The following CYTH3 variants were observed in gnomAD, a reference collection of about 807,000 sequenced individuals.
CYTH3 encodes the protein cytohesin-3.
CYTH3 carries 23 observed loss-of-function variants against 55.1 expected under a neutral mutation model. That is an observed-to-expected ratio of 0.42 (90% CI 0.30 to 0.59). The LOEUF is 0.59. Ranked by LOEUF, CYTH3 falls within the 20% of genes least tolerant of loss-of-function variation. CYTH3 has a pLI of 0.20. For missense variants in CYTH3, 413 were observed against 524.8 expected, an observed-to-expected ratio of 0.79 and a Z score of 2.08; for synonymous variants, 249 against 194.9, an observed-to-expected ratio of 1.28 and a Z score of -2.31.
chr7:6,201,256 G>A (rs1784053493), intron 1 of CYTH3, among the ~76,000 whole-genome samples: 1 of 152,206 alleles, frequency 6.6e-6, no homozygotes, highest in Non-Finnish European at 1.5e-5. Flanking sequence ...TCACGTGTTA[G>A]CAACAACGGA....
In CYTH3 at chr7:6,170,656, G is replaced by C. The variant is rs1175658118; in HGVS notation, c.712-10C>G. On this transcript the variant is annotated splice_polypyrimidine_tract_variant and intron_variant, in intron 8 of 12. Transcript: ENST00000350796. The surrounding 1 kb of genome is among the most constrained non-coding windows in gnomAD (Gnocchi z 7.8). ...TGCTCTCATACAAATTCTGCAAGGA[G>C]GGAAAACAGCAGCCAGTTCAGAGAC... 1 of 1,612,100 alleles carries C rather than the reference G, an allele frequency of 6.2e-7. No individual in the cohort carries two copies. The highest frequency in any genetic ancestry group is 2.2e-5 in the East Asian group (1 of 44,818).
In CYTH3 at chr7:6,184,464, C is replaced by T. The variant is rs370977734; in HGVS notation, c.249+2586G>A. Among the ~76,000 whole-genome samples, 510 of 152,174 alleles carry T rather than the reference C, an allele frequency of 3.4e-3. 2 individuals are homozygous for T. The highest frequency in any genetic ancestry group is 0.012 in the African/African-American group (490 of 41,490). ...TGGCCCTTATTATAAATCTGACACA[C>T]GGTATATATAAAACAGGAAGACAGT... On this transcript the variant is annotated intron_variant, in intron 4 of 12. Coordinates refer to ENST00000350796, the MANE Select transcript of CYTH3 (RefSeq NM_004227.4).
chr7:6,238,001 T>C (rs1268432354), intron 1 of CYTH3, among the ~76,000 whole-genome samples: 1 of 152,180 alleles, frequency 6.6e-6, no homozygotes, highest in Admixed American at 6.5e-5. Context: ...GAGTCAGCTA[T>C]AGGTAAAGAT....
rs371142137 is a variant in CYTH3, at chr7:6,181,359, ATG to A, written c.250-3420_250-3419del. 1.2e-3 allele frequency among the ~76,000 whole-genome samples: 183 copies of A among 152,310 alleles called. 1 individual carries two copies. The highest frequency in any genetic ancestry group is 4.2e-3 in the African/African-American group (174 of 41,560). ...CAGAGAAGCCCTTGTGTGTCTGAAC[ATG>A]TGTTTCCTCACCTTCTCTTGTGAGT... is the stretch of plus-strand genomic sequence containing the variant. On this transcript the variant is annotated intron_variant, in intron 4 of 12. Transcript: ENST00000350796.
intron 1 of CYTH3, among the ~76,000 whole-genome samples, chr7:6,214,877 A>C (rs1195900945): frequency 6.6e-6 from 1 of 152,198 alleles, no homozygotes; most frequent in African/African-American, 2.4e-5. Context: ...CCACAGGCAA[A>C]GAGCTGCCTA....
chr7:6,247,722 C>G (rs1779857162), intron 1 of CYTH3, among the ~76,000 whole-genome samples: 2 of 152,130 alleles, frequency 1.3e-5, no homozygotes, highest in Non-Finnish European at 2.9e-5. Flanking sequence ...CAGCTCACTG[C>G]AGTCTTGACA....
At chr7:6,232,764 G>A (rs903645242) in intron 1 of CYTH3, among the ~76,000 whole-genome samples, 1 of 152,130 alleles carries the variant, frequency 6.6e-6, no homozygotes, top group Admixed American at 6.5e-5. Flanking sequence ...TCTGGGCGTG[G>A]CTCTCTGTAC....
At chr7:6,186,966 C>A (rs935681187) in intron 4 of CYTH3, 84 bp downstream of exon 4, 3 of 1,415,476 alleles carry the variant, frequency 2.1e-6, no homozygotes, top group Non-Finnish European at 3.0e-6. Flanking sequence ...CGGACCACCT[C>A]TGACCTCTGT....
chr7:6,234,895 C>A (rs1779478083), intron 1 of CYTH3, among the ~76,000 whole-genome samples: 1 of 152,128 alleles, frequency 6.6e-6, no homozygotes, highest in African/African-American at 2.4e-5. Context: ...AGACGTGGCC[C>A]AAGTTGGTAA....
chr7:6,193,893 C>G (rs1031088473), intron 1 of CYTH3, among the ~76,000 whole-genome samples: 47 of 152,182 alleles, frequency 3.1e-4, no homozygotes, highest in Non-Finnish European at 5.6e-4. Context: ...ACTGGGCTCC[C>G]CGACTGCAGG....
At position 6,169,331 on chromosome 7, in the gene CYTH3, C is replaced by T. The variant is rs2128536828; in HGVS notation, c.823+1204G>A. ...AACCTCCTGGGCTCAGGCCATCCTC[C>T]TGCCTCAGCCTCCCTAGTAGCTGGG... is the stretch of plus-strand genomic sequence containing the variant. On this transcript the variant is annotated intron_variant, in intron 9 of 12. Coordinates refer to ENST00000350796, the MANE Select transcript of CYTH3 (RefSeq NM_004227.4). The surrounding 1 kb of genome is among the most constrained non-coding windows in gnomAD (Gnocchi z 4.1). 6.6e-6 allele frequency among the ~76,000 whole-genome samples: 1 copy of T among 152,310 alleles called. No homozygotes were observed. Among genetic ancestry groups the T allele is most frequent in the South Asian group, 2.1e-4 (1 of 4,822 alleles).
At chr7:6,205,990 A>C (rs778160590) in intron 1 of CYTH3, among the ~76,000 whole-genome samples, 24 of 152,184 alleles carry the variant, frequency 1.6e-4, no homozygotes, top group Non-Finnish European at 3.5e-4. Context: ...TTAAACCCAA[A>C]ACAGAAAATA....
At chr7:6,255,220 T>G (rs958288004) in intron 1 of CYTH3, among the ~76,000 whole-genome samples, 3 of 152,352 alleles carry the variant, frequency 2.0e-5, no homozygotes, top group African/African-American at 7.2e-5. Flanking sequence ...CTTAAAAATA[T>G]GTCAATACCA....
chr7:6,177,150 G>T (rs887957414), intron 5 of CYTH3, among the ~76,000 whole-genome samples: 1 of 152,212 alleles, frequency 6.6e-6, no homozygotes, highest in African/African-American at 2.4e-5. Flanking sequence ...TCTTTGGTTT[G>T]GGTATCAGGT....
chr7:6,222,102 G>T lies in CYTH3; in HGVS notation c.35-31571C>A, dbSNP rs193098561. On this transcript the variant is annotated intron_variant, in intron 1 of 12. Coordinates refer to ENST00000350796, the MANE Select transcript of CYTH3 (RefSeq NM_004227.4). ...GTCCTGGCAGCCATTCCAGGGAAAA[G>T]CAGCAGGACAGAGCAGAGTATGTGG... 1.4e-3 allele frequency among the ~76,000 whole-genome samples: 206 copies of T among 152,348 alleles called. 1 individual carries two copies. Among genetic ancestry groups the T allele is most frequent in the Non-Finnish European group, 1.9e-3 (129 of 68,030 alleles).
At chr7:6,197,740 C>T (rs569720320) in intron 1 of CYTH3, among the ~76,000 whole-genome samples, 27 of 152,118 alleles carry the variant, frequency 1.8e-4, no homozygotes, top group African/African-American at 6.3e-4. Flanking sequence ...TCTATTTGAT[C>T]CATTATCCAT....
At chr7:6,238,048 A>G (rs560493168) in intron 1 of CYTH3, among the ~76,000 whole-genome samples, 1 of 152,364 alleles carries the variant, frequency 6.6e-6, no homozygotes, top group South Asian at 2.1e-4. Flanking sequence ...TCTAATTTAT[A>G]GAAGAAAATG....
rs1562417986 is a variant in CYTH3, at chr7:6,259,807, ATATATAATATATATATATATATATAT to A, written c.34+12641_34+12666del. On this transcript the variant is annotated intron_variant, in intron 1 of 12. Coordinates refer to ENST00000350796, the MANE Select transcript of CYTH3 (RefSeq NM_004227.4). ...ATAATATATATATATATATATATAT[ATATATAATATATATATATATATATAT>A]TTTTTTTTTTTTTTAAGACGGATTT... is the stretch of plus-strand genomic sequence containing the variant. 1.8e-3 allele frequency among the ~76,000 whole-genome samples: 47 copies of A among 26,176 alleles called. 2 individuals carry two copies. Among genetic ancestry groups the A allele is most frequent in the South Asian group, 9.8e-3 (9 of 920 alleles). 17.2% of individuals were successfully genotyped at this position (26,176 alleles called of 152,430 possible). A position where few individuals can be genotyped will look rare whatever the true frequency, so the allele number is the denominator to read the frequency against.
chr7:6,212,326 T>G (rs1784337766), intron 1 of CYTH3, among the ~76,000 whole-genome samples: 1 of 152,184 alleles, frequency 6.6e-6, no homozygotes, highest in Admixed American at 6.5e-5. Context: ...TTCAGTACTG[T>G]TAAGTATATT....
Sources: gnomAD v4.1 joint callset for allele counts (sites outside exome capture counted in the v4.1 genomes callset) on GRCh38, gnomAD v4.1.1 for gene constraint, Gnocchi (gnomAD v3.1) non-coding constraint, MANE v1.5 for transcripts, NCBI Gene and HGNC (gene_info 2026-07-23, HGNC 2026-07-21) for gene names.